TPD52: variants seen among roughly 807,000 people sequenced by gnomAD.
TPD52 encodes the protein tumor protein D52, also known as prostate and colon associated protein.
In TPD52, 17 loss-of-function variants were observed where a neutral mutation model predicts 31.3. That is an observed-to-expected ratio of 0.54 (90% CI 0.37 to 0.82). TPD52 has a LOEUF of 0.82. Among genes scored for constraint, TPD52 ranks in the 40% least tolerant of loss-of-function variants. TPD52 has a pLI of 0.00. For synonymous variants in TPD52, 83 were observed against 89.6 expected (o/e 0.93, Z 0.42); for missense variants, 212 against 240.1 (o/e 0.88, Z 0.77).
At chr8:80,053,118 C>CA in intron 3 of TPD52, 164 bp downstream of exon 3, 4 of 673,520 alleles carry the variant, frequency 5.9e-6, no homozygotes, top group South Asian at 2.9e-5. Context: ...ATTGAAGTTA[C>CA]AAAAAAAGGC....
chr8:80,090,662 T>A (rs1356152785), intron 1 of TPD52, among the ~76,000 whole-genome samples: 1 of 149,394 alleles, frequency 6.7e-6, no homozygotes, highest in Non-Finnish European at 1.5e-5. Context: ...TTATTTTCCA[T>A]CCCAATGGGG....
chr8:80,084,306 G>A (rs72686015), intron 1 of TPD52, among the ~76,000 whole-genome samples: 1,551 of 152,282 alleles, frequency 0.01, 13 homozygotes, highest in Non-Finnish European at 0.015. Context: ...TCTGGTCCAC[G>A]CAGACACCCC....
chr8:80,098,969 G>A lies in TPD52; in HGVS notation c.20-34376C>T, dbSNP rs147566481. ...AGGACTCACTGAAGACTCACTGACC[G>A]TTAGCATTTCTTGGCAATAAAGTAT... On this transcript the variant is annotated intron_variant, in intron 1 of 7. Transcript: ENST00000518937. Among the ~76,000 whole-genome samples the A allele has an allele frequency of 4.9e-3, 741 of 152,258 alleles. 4 individuals carry two copies. Among genetic ancestry groups the A allele is most frequent in the African/African-American group, 0.016 (663 of 41,550 alleles).
chr8:80,043,220 T>C (rs1408439152), intron 6 of TPD52, among the ~76,000 whole-genome samples: 1 of 152,136 alleles, frequency 6.6e-6, no homozygotes, highest in Non-Finnish European at 1.5e-5. Flanking sequence ...CTTTGCCTAC[T>C]TCACAACTCT....
At chr8:80,076,180 A>G (rs1414006656) in intron 1 of TPD52, among the ~76,000 whole-genome samples, 1 of 152,236 alleles carries the variant, frequency 6.6e-6, no homozygotes, top group Non-Finnish European at 1.5e-5. Flanking sequence ...AATATAAACC[A>G]TTCTATCACA....
intron 1 of TPD52, among the ~76,000 whole-genome samples, chr8:80,106,431 A>T (rs538706024): frequency 1.4e-3 from 217 of 152,198 alleles, no homozygotes; most frequent in Non-Finnish European, 2.5e-3. Flanking sequence ...ATCTTGGCTC[A>T]CTGCAGGCTC....
intron 5 of TPD52, among the ~76,000 whole-genome samples, chr8:80,045,671 G>A (rs1462150880): frequency 2.0e-5 from 3 of 152,182 alleles, no homozygotes; most frequent in Non-Finnish European, 4.4e-5. Flanking sequence ...CCAGCAGGAT[G>A]GAAGAGGAAT....
intron 1 of TPD52, among the ~76,000 whole-genome samples, chr8:80,093,702 T>TA (rs913596264): frequency 6.6e-6 from 1 of 151,824 alleles, no homozygotes; most frequent in Non-Finnish European, 1.5e-5. Context: ...GGTCAACCAT[T>TA]AAAAAAAATA....
intron 1 of TPD52, among the ~76,000 whole-genome samples, chr8:80,133,945 A>T (rs1197084061): frequency 5.9e-5 from 9 of 152,206 alleles, no homozygotes; most frequent in Admixed American, 3.9e-4. Context: ...ACAGAGGACT[A>T]GAAGTCACGG....
intron 1 of TPD52, among the ~76,000 whole-genome samples, chr8:80,106,557 C>A (rs932420890): frequency 2.0e-5 from 3 of 151,946 alleles, no homozygotes; most frequent in African/African-American, 7.2e-5. Flanking sequence ...GGGGTTTCAC[C>A]GTGTTAGCCA....
chr8:80,070,874 A>C (rs570317219), intron 1 of TPD52, among the ~76,000 whole-genome samples: 2 of 152,334 alleles, frequency 1.3e-5, no homozygotes, highest in African/African-American at 4.8e-5. Flanking sequence ...TTTATTTGGA[A>C]ACAGGATTTC....
At chr8:80,136,354 C>T (rs963048324) in intron 1 of TPD52, among the ~76,000 whole-genome samples, 4 of 150,368 alleles carry the variant, frequency 2.7e-5, no homozygotes, top group Non-Finnish European at 5.9e-5. Context: ...GAAACCCCAT[C>T]TCTACTAAAA....
intron 7 of TPD52, 28 bp from the exon 8 acceptor site, chr8:80,038,263 G>C (rs1248812440): frequency 6.2e-7 from 1 of 1,611,172 alleles, no homozygotes; most frequent in Admixed American, 1.7e-5. Flanking sequence ...AAAAGGGAAA[G>C]ACATTATGAA....
intron 6 of TPD52, 35 bp downstream of exon 6, chr8:80,044,132 T>C (rs369389585): frequency 1.9e-6 from 3 of 1,551,666 alleles, no homozygotes; most frequent in African/African-American, 2.7e-5. Flanking sequence ...AAATAAAGCA[T>C]AAGACCAACT....
intron 1 of TPD52, among the ~76,000 whole-genome samples, chr8:80,133,427 G>C (rs182337140): frequency 1.3e-5 from 2 of 152,190 alleles, no homozygotes; most frequent in African/African-American, 4.8e-5. Context: ...CTCAAATTCA[G>C]AATCAAAACT....
Position 80,038,029 on chromosome 8 carries a change from G to C in TPD52, c.*87C>G. 6.5e-7 allele frequency: 1 copy of C among 1,542,338 alleles called. No individual in the cohort carries two copies. Among genetic ancestry groups the C allele is most frequent in the South Asian group, 1.2e-5 (1 of 84,582 alleles). On this transcript the variant is annotated 3_prime_UTR_variant, in exon 8 of 8. Coordinates refer to ENST00000518937, the MANE Select transcript of TPD52 (RefSeq NM_001025253.3). Reference sequence around the variant, plus strand: ...AAGCTAAATAAAAGCACATCTGGTAGAAATTCATGGCAATGCATGTTGACA... The same window carrying C: ...AAGCTAAATAAAAGCACATCTGGTACAAATTCATGGCAATGCATGTTGACA...
chr8:80,059,606 C>G (rs887961352), intron 2 of TPD52, among the ~76,000 whole-genome samples: 2 of 152,204 alleles, frequency 1.3e-5, no homozygotes, highest in African/African-American at 4.8e-5. Flanking sequence ...GTAATCCCAG[C>G]ACTTTGGGAG....
intron 1 of TPD52, among the ~76,000 whole-genome samples, chr8:80,153,574 T>C (rs1018256292): frequency 6.6e-6 from 1 of 152,242 alleles, no homozygotes; most frequent in Non-Finnish European, 1.5e-5. Flanking sequence ...AAGTCAATAA[T>C]TCAAAGTTAA....
intron 5 of TPD52, among the ~76,000 whole-genome samples, chr8:80,047,259 C>T (rs907285928): frequency 2.0e-5 from 3 of 152,188 alleles, no homozygotes; most frequent in Admixed American, 6.5e-5. Context: ...CACTTAATCT[C>T]TCTATGGCTC....
Sources: allele counts gnomAD v4.1 joint callset (sites outside exome capture counted in the v4.1 genomes callset), GRCh38; gene constraint gnomAD v4.1.1; transcripts MANE v1.5; gene names NCBI Gene and HGNC (gene_info 2026-07-23, HGNC 2026-07-21).